The following SBF2 variants were observed in gnomAD, a reference collection of about 807,000 sequenced individuals.
The protein encoded by SBF2 is myotubularin-related protein 13.
SBF2 carries 112 observed loss-of-function variants against 225.2 expected under a neutral mutation model. The observed-to-expected ratio is 0.50, with a 90% CI of 0.43 to 0.58. SBF2 has a LOEUF of 0.58. Among genes scored for constraint, SBF2 ranks in the 20% least tolerant of loss-of-function variants. SBF2 has a pLI of 0.00. For synonymous variants in SBF2, 763 were observed against 773.3 expected (o/e 0.99, Z 0.22); for missense variants, 1,996 against 2,206.2 (o/e 0.90, Z 1.91).
At chr11:10,228,067 T>C (rs1292088694) in intron 1 of SBF2, among the ~76,000 whole-genome samples, 11 of 151,820 alleles carry the variant, frequency 7.2e-5, no homozygotes, top group African/African-American at 2.4e-4. Flanking sequence ...CTAGGTACTT[T>C]ATTCTCTTTG....
intron 2 of SBF2, among the ~76,000 whole-genome samples, chr11:10,062,704 T>C (rs1950492897): frequency 6.6e-6 from 1 of 152,008 alleles, no homozygotes; most frequent in African/African-American, 2.4e-5. Flanking sequence ...GCTGGCAAGG[T>C]TGTGGAGAAA....
chr11:9,995,839 T>TTA (rs1554978242), intron 9 of SBF2, among the ~76,000 whole-genome samples: 6 of 149,784 alleles, frequency 4.0e-5, no homozygotes, highest in Non-Finnish European at 8.9e-5. Flanking sequence ...TTTTTTTTTT[T>TTA]GGTAGAGACG....
chr11:9,905,343 T>C (rs188009768), intron 16 of SBF2, among the ~76,000 whole-genome samples: 19 of 152,368 alleles, frequency 1.2e-4, no homozygotes, highest in African/African-American at 3.8e-4. Flanking sequence ...ATATGCCTTT[T>C]TGAATGTCAT....
intron 16 of SBF2, among the ~76,000 whole-genome samples, chr11:9,949,848 T>C (rs1474942957): frequency 6.6e-6 from 1 of 152,048 alleles, no homozygotes; most frequent in Non-Finnish European, 1.5e-5. Flanking sequence ...TTTACATAAA[T>C]TAAAATACAC....
At chr11:9,836,156 T>A (rs1241728924) in intron 26 of SBF2, among the ~76,000 whole-genome samples, 1 of 152,166 alleles carries the variant, frequency 6.6e-6, no homozygotes, top group Non-Finnish European at 1.5e-5. Context: ...TTATAGATAA[T>A]GTTTTTCCTA....
intron 28 of SBF2, among the ~76,000 whole-genome samples, chr11:9,818,344 T>C (rs1460993932): frequency 6.6e-6 from 1 of 152,184 alleles, no homozygotes; most frequent in Admixed American, 6.5e-5. Context: ...AAATCAAGGA[T>C]TTCTATATGC....
intron 33 of SBF2, among the ~76,000 whole-genome samples, chr11:9,791,455 A>C (rs1380342291): frequency 6.7e-6 from 1 of 149,826 alleles, no homozygotes; most frequent in Non-Finnish European, 1.5e-5. Flanking sequence ...CAAGCCCAAG[A>C]TGGCATGAAA....
chr11:9,891,543 T>TGCC (rs1860817126), intron 17 of SBF2, among the ~76,000 whole-genome samples: 1 of 152,194 alleles, frequency 6.6e-6, no homozygotes, highest in Admixed American at 6.5e-5. Context: ...GAAACAGATA[T>TGCC]AAGCACAGGG....
chr11:10,049,543 G>A (rs900251418), intron 2 of SBF2, among the ~76,000 whole-genome samples: 2 of 152,082 alleles, frequency 1.3e-5, no homozygotes, highest in Non-Finnish European at 2.9e-5. Context: ...GGAGGCGGAT[G>A]TTGCAGTGAG....
At chr11:9,892,109 TA>T (rs923560189) in intron 17 of SBF2, among the ~76,000 whole-genome samples, 20 of 152,212 alleles carry the variant, frequency 1.3e-4, no homozygotes, top group African/African-American at 2.4e-4. Context: ...ACGATACTTT[TA>T]AAAAAAATTA....
intron 6 of SBF2, among the ~76,000 whole-genome samples, chr11:10,027,429 G>A (rs1192057350): frequency 1.3e-5 from 2 of 152,142 alleles, no homozygotes; most frequent in Non-Finnish European, 2.9e-5. Context: ...GAAAAGGGTG[G>A]TAAGATACAG....
chr11:9,849,466 A>G (rs1226308755), intron 22 of SBF2, among the ~76,000 whole-genome samples: 2 of 152,184 alleles, frequency 1.3e-5, no homozygotes, highest in South Asian at 2.1e-4. Context: ...TTCCTTTCCA[A>G]TATAGAAGGC....
chr11:10,294,326 C>G (rs935748478), upstream of SBF2: 6 of 336,294 alleles, frequency 1.8e-5, no homozygotes, highest in African/African-American at 1.3e-4. Flanking sequence ...GCGGGCCTCG[C>G]GGACTGCTGC....
At chr11:10,289,710 G>C (rs1020360713) in intron 1 of SBF2, among the ~76,000 whole-genome samples, 2 of 152,098 alleles carry the variant, frequency 1.3e-5, no homozygotes, top group Non-Finnish European at 2.9e-5. Context: ...CGGTGCCCTC[G>C]GCAGGGTGGG....
chr11:10,169,142 G>A (rs182584517), intron 2 of SBF2, among the ~76,000 whole-genome samples: 1 of 152,152 alleles, frequency 6.6e-6, no homozygotes, highest in Non-Finnish European at 1.5e-5. Context: ...AGTAAATGGG[G>A]TATCCATCAC....
intron 13 of SBF2, among the ~76,000 whole-genome samples, chr11:9,981,113 C>T (rs1048764061): frequency 2.0e-5 from 3 of 152,190 alleles, no homozygotes; most frequent in Non-Finnish European, 4.4e-5. Flanking sequence ...TGTGACAAAG[C>T]ACTGACTAAT....
chr11:10,022,606 C>T (rs776788693), intron 6 of SBF2, among the ~76,000 whole-genome samples: 2 of 152,014 alleles, frequency 1.3e-5, no homozygotes, highest in African/African-American at 4.8e-5. Flanking sequence ...ACCCACCCCC[C>T]CATCATAATC....
At chr11:9,993,442 C>T (rs2134473746) in intron 10 of SBF2, among the ~76,000 whole-genome samples, 1 of 152,296 alleles carries the variant, frequency 6.6e-6, no homozygotes, top group African/African-American at 2.4e-5. Context: ...CTAAGAAATG[C>T]ACTGAGCAAA....
chr11:10,111,369 AAT>A (rs1952832291), intron 2 of SBF2, among the ~76,000 whole-genome samples: 2 of 152,180 alleles, frequency 1.3e-5, no homozygotes, highest in Non-Finnish European at 2.9e-5. Flanking sequence ...AGTCGGCAAG[AAT>A]ATATGTTTTA....
Sources: gnomAD v4.1 joint callset for allele counts (sites outside exome capture counted in the v4.1 genomes callset) on GRCh38, gnomAD v4.1.1 for gene constraint, MANE v1.5 for transcripts, NCBI Gene and HGNC (gene_info 2026-07-23, HGNC 2026-07-21) for gene names.